The following MEI4 variants were observed in gnomAD, a reference collection of about 807,000 sequenced individuals.
The protein encoded by MEI4 is meiotic double-stranded break formation protein 4, also known as meiosis-specific protein MEI4.
Under a neutral mutation model 31.4 loss-of-function variants are expected in MEI4, and 27 were observed. The observed-to-expected ratio is 0.86, with a 90% CI of 0.63 to 1.19. The LOEUF (loss-of-function observed/expected upper bound fraction) is 1.19. Among genes scored for constraint, MEI4 ranks in the 50% most tolerant of loss-of-function variants. MEI4 has a pLI of 0.00. For missense variants in MEI4, 329 were observed against 398.9 expected (o/e 0.82, Z 1.49); for synonymous variants, 122 against 145.4 (o/e 0.84, Z 1.16).
intron 4 of MEI4, among the ~76,000 whole-genome samples, chr6:77,864,535 T>C (rs556067057): frequency 6.6e-6 from 1 of 152,206 alleles, no homozygotes; most frequent in African/African-American, 2.4e-5. Context: ...AGCTAACTCT[T>C]CTAAATATAT....
intron 4 of MEI4, among the ~76,000 whole-genome samples, chr6:77,831,783 C>T (rs1270363538): frequency 2.0e-5 from 3 of 151,322 alleles, no homozygotes; most frequent in Admixed American, 1.3e-4. Flanking sequence ...TTAATGAGTA[C>T]GAAAATACGG....
chr6:77,683,219 G>T (rs982573027), intron 1 of MEI4, among the ~76,000 whole-genome samples: 1 of 151,672 alleles, frequency 6.6e-6, no homozygotes, highest in Non-Finnish European at 1.5e-5. Flanking sequence ...TCTTCATTTT[G>T]CTTTTTTTAA....
intron 2 of MEI4, among the ~76,000 whole-genome samples, chr6:77,710,532 AAAAAAAAAAAG>A (rs1766437813): frequency 6.7e-6 from 1 of 148,618 alleles, no homozygotes; most frequent in African/African-American, 2.4e-5. Flanking sequence ...AAAAAAAAAA[AAAAAAAAAAAG>A]AAAAGGTAAA....
At position 77,753,435 on chromosome 6, in the gene MEI4, G is replaced by A. The variant is rs575130983; in HGVS notation, c.233-7695G>A. 7.4e-4 allele frequency among the ~76,000 whole-genome samples: 113 copies of A among 152,246 alleles called. 1 individual carries two copies. The Middle Eastern group carries it at 0.027, about 37-fold the overall frequency. ...AAAAAACAACCCCATCAAAAAGTAGGTGAAGGATTTCAACAGACACTTCTC... is the reference window on the plus strand; with the variant it reads ...AAAAAACAACCCCATCAAAAAGTAGATGAAGGATTTCAACAGACACTTCTC... On this transcript the variant is annotated intron_variant, in intron 2 of 4. Transcript: ENST00000684080.
chr6:77,787,531 G>T (rs1463133887), intron 3 of MEI4, among the ~76,000 whole-genome samples: 1 of 152,100 alleles, frequency 6.6e-6, no homozygotes, highest in Non-Finnish European at 1.5e-5. Flanking sequence ...GTGCAATTCT[G>T]TCAGCCCAGG....
In MEI4 at chr6:77,923,459, C is replaced by T; in HGVS notation, c.*113C>T. The T allele has an allele frequency of 1.9e-5, 16 of 831,122 alleles. No individual in the cohort carries two copies. The highest frequency in any genetic ancestry group is 2.6e-5 in the Non-Finnish European group (16 of 624,854). The allele number at this position is 831,122 out of a possible 1,614,324, so 51.5% of individuals were successfully genotyped here. On this transcript the variant is annotated 3_prime_UTR_variant, in exon 5 of 5. Transcript: ENST00000684080. ...TTAATTAGCATTTTAGAATTGATCT[C>T]TAAATATAATTATCAATTCAACTTA...
intron 2 of MEI4, among the ~76,000 whole-genome samples, chr6:77,712,903 G>A (rs10455338): frequency 0.37 from 56,719 of 151,408 alleles, 11,904 homozygotes; most frequent in East Asian, 0.5. Context: ...CCCGGGAGGC[G>A]GAGCTTGCAG....
At chr6:77,866,093 G>A (rs1376844584) in intron 4 of MEI4, among the ~76,000 whole-genome samples, 1 of 151,718 alleles carries the variant, frequency 6.6e-6, no homozygotes, top group Non-Finnish European at 1.5e-5. Context: ...AATAATAAGA[G>A]CTATCTATGA....
At chr6:77,738,864 T>C (rs1216073943) in intron 2 of MEI4, among the ~76,000 whole-genome samples, 2 of 152,220 alleles carry the variant, frequency 1.3e-5, no homozygotes, top group Non-Finnish European at 2.9e-5. Context: ...TTTTCTCATA[T>C]GTTTCTTGGC....
In MEI4 at chr6:77,847,796, A is replaced by G. The variant is rs1227659092; in HGVS notation, c.900+18734A>G. 6.6e-6 allele frequency among the ~76,000 whole-genome samples: 1 copy of G among 152,100 alleles called. No homozygotes were observed. Among genetic ancestry groups the G allele is most frequent in the African/African-American group, 2.4e-5 (1 of 41,430 alleles). On this transcript the variant is annotated intron_variant, in intron 4 of 4. Coordinates refer to ENST00000684080, the MANE Select transcript of MEI4 (RefSeq NM_001322247.2). This position sits in a 1 kb window ranked among gnomAD's most constrained non-coding sequence, Gnocchi z 4.6. ...ATTTATTTTTCTATTTATATTACTCACCTATGAAAGAATGTGTTGATTGAA... is the reference window on the plus strand; with the variant it reads ...ATTTATTTTTCTATTTATATTACTCGCCTATGAAAGAATGTGTTGATTGAA...
intron 2 of MEI4, among the ~76,000 whole-genome samples, chr6:77,695,595 A>T (rs1299917701): frequency 1.3e-5 from 2 of 152,072 alleles, no homozygotes; most frequent in Admixed American, 1.3e-4. Context: ...ATTATTTTTG[A>T]GGGCTCTGTT....
At position 77,661,517 on chromosome 6, in the gene MEI4, T is replaced by C. The variant is rs1387935409; in HGVS notation, c.-15+8425T>C. 3.3e-5 allele frequency among the ~76,000 whole-genome samples: 5 copies of C among 152,120 alleles called. No individual in the cohort carries two copies. In the East Asian group the frequency reaches 7.7e-4, roughly 24 times the overall value. On this transcript the variant is annotated intron_variant, in intron 1 of 4. Transcript: ENST00000684080. ...GTGAGTAAAGTCAATCTGCCAGTCCTGGGCAGGGGCAAATCTCCGAGCTTG... is the reference window on the plus strand; with the variant it reads ...GTGAGTAAAGTCAATCTGCCAGTCCCGGGCAGGGGCAAATCTCCGAGCTTG...
intron 3 of MEI4, among the ~76,000 whole-genome samples, chr6:77,806,057 C>A (rs552571098): frequency 6.6e-6 from 1 of 152,130 alleles, no homozygotes; most frequent in South Asian, 2.1e-4. Context: ...TATTGCTTTG[C>A]TTGAGGAAAA....
chr6:77,705,454 A>G (rs1017387412), intron 2 of MEI4, among the ~76,000 whole-genome samples: 8 of 152,264 alleles, frequency 5.3e-5, no homozygotes, highest in African/African-American at 1.9e-4. Flanking sequence ...ATGTGGAACT[A>G]TAAACACACA....
rs1768437083 is a variant in MEI4 at position 77,776,185 on chromosome 6, G to GT, written c.768+14527dup. ...TTTTTTTGTTTTTGTTTTTGTTTTT[G>GT]TTTTTTTGCTGTGTAGAAGCAAAGA... On this transcript the variant is annotated intron_variant, in intron 3 of 4. Transcript: ENST00000684080. Among the ~76,000 whole-genome samples, 6 of 138,662 alleles carry GT rather than the reference G, an allele frequency of 4.3e-5. No individual in the cohort carries two copies. The South Asian group carries it at 1.1e-3, about 26-fold the overall frequency. The allele number at this position is 138,662 out of a possible 152,430, so 91.0% of individuals were successfully genotyped here. A position where few individuals can be genotyped will look rare whatever the true frequency, so the allele number is the denominator to read the frequency against.
chr6:77,733,413 G>A lies in MEI4; in HGVS notation c.233-27717G>A, dbSNP rs111620295. 1.3e-3 allele frequency among the ~76,000 whole-genome samples: 192 copies of A among 152,086 alleles called. 3 individuals are homozygous for A. Among genetic ancestry groups the A allele is most frequent in the African/African-American group, 2.8e-3 (118 of 41,426 alleles). ...CTTCTAGATTTTCTGGTTTATTTGC[G>A]TAGAGGTGTTCGTAGTATTCTCTGA... On this transcript the variant is annotated intron_variant, in intron 2 of 4. Transcript: ENST00000684080.
chr6:77,899,913 G>A (rs184399915), intron 4 of MEI4, among the ~76,000 whole-genome samples: 10 of 148,854 alleles, frequency 6.7e-5, no homozygotes, highest in Admixed American at 5.4e-4. Context: ...TGTAAAACCT[G>A]AAATTATGAA....
intron 4 of MEI4, among the ~76,000 whole-genome samples, chr6:77,846,443 T>G (rs1350704397): frequency 1.3e-5 from 2 of 152,188 alleles, no homozygotes; most frequent in Non-Finnish European, 2.9e-5. Flanking sequence ...TCTCGTTTCT[T>G]TAGTAAGTTA....
At chr6:77,868,399 C>G (rs1323277400) in intron 4 of MEI4, among the ~76,000 whole-genome samples, 1 of 148,104 alleles carries the variant, frequency 6.8e-6, no homozygotes, top group African/African-American at 2.5e-5. Flanking sequence ...TTAATAAAAT[C>G]TAAGATACAG....
Sources: gnomAD v4.1 joint callset for allele counts (sites outside exome capture counted in the v4.1 genomes callset) on GRCh38, gnomAD v4.1.1 for gene constraint, Gnocchi (gnomAD v3.1) non-coding constraint, MANE v1.5 for transcripts, NCBI Gene and HGNC (gene_info 2026-07-23, HGNC 2026-07-21) for gene names.